ABCG8: variants seen among roughly 807,000 people sequenced by gnomAD.
The protein encoded by ABCG8 is ATP binding cassette subfamily G member 8.
ABCG8 carries 81 observed loss-of-function variants against 71.3 expected under a neutral mutation model. The ratio of observed to expected loss-of-function variants is 1.14; its 90% CI spans 0.95 to 1.37. The LOEUF (loss-of-function observed/expected upper bound fraction) is 1.37, where lower values mean the gene tolerates loss of function less well. Ranked by LOEUF, ABCG8 falls within the 40% of genes most tolerant of loss-of-function variation. The probability of loss-of-function intolerance (pLI) is 0.00; values close to 1 mark genes in which losing one functional copy is unlikely to be tolerated. For synonymous variants in ABCG8, 451 were observed against 354.7 expected, an observed-to-expected ratio of 1.27 and a Z score of -3.05; for missense variants, 1,119 against 866.2, an observed-to-expected ratio of 1.29 and a Z score of -3.66.
chr2:43,862,745 A>G (rs1669371927), intron 6 of ABCG8, among the ~76,000 whole-genome samples: 1 of 150,224 alleles, frequency 6.7e-6, no homozygotes, highest in Admixed American at 6.6e-5. Flanking sequence ...AACTCTCACG[A>G]TCTGGGTAGA....
chr2:43,840,916 G>C (rs1357991074), intron 1 of ABCG8, among the ~76,000 whole-genome samples: 1 of 152,194 alleles, frequency 6.6e-6, no homozygotes, highest in Non-Finnish European at 1.5e-5. Context: ...CCTGGGAAGA[G>C]GTGTACAGAC....
intron 11 of ABCG8, among the ~76,000 whole-genome samples, chr2:43,876,476 G>A (rs139558764): frequency 4.0e-5 from 6 of 151,778 alleles, no homozygotes; most frequent in African/African-American, 1.2e-4. Context: ...ATGGGAATAC[G>A]GGGAGACCAT....
chr2:43,864,936 C>A (rs1044832283), intron 6 of ABCG8, among the ~76,000 whole-genome samples: 1 of 147,116 alleles, frequency 6.8e-6, no homozygotes, highest in African/African-American at 2.5e-5. Flanking sequence ...GCATATAACT[C>A]TCACTATCTA....
At chr2:43,846,338 A>G (rs1668742894) in intron 3 of ABCG8, 27 bp downstream of exon 3, 1 of 1,613,828 alleles carries the variant, frequency 6.2e-7, no homozygotes, top group Non-Finnish European at 8.5e-7. Flanking sequence ...TCGCTGGGCA[A>G]TGGTTTCTCT....
At chr2:43,875,705 A>T (rs142967051) in intron 11 of ABCG8, among the ~76,000 whole-genome samples, 2 of 152,214 alleles carry the variant, frequency 1.3e-5, no homozygotes, top group Non-Finnish European at 2.9e-5. Flanking sequence ...TGTTTCTCTG[A>T]AATGTCTGCT....
intron 6 of ABCG8, among the ~76,000 whole-genome samples, chr2:43,871,167 T>A (rs1245358323): frequency 6.6e-6 from 1 of 151,918 alleles, no homozygotes; most frequent in Non-Finnish European, 1.5e-5. Context: ...TCACTATCTA[T>A]CTGGATAGAA....
In ABCG8 at chr2:43,851,575, G is replaced by C; in HGVS notation, c.323-9G>C. On this transcript the variant is annotated splice_polypyrimidine_tract_variant and intron_variant, in intron 3 of 12. Transcript: ENST00000272286. ...TCCGCTCTCAGGGATATCCCTGGTG[G>C]CTTTGCAGGTTGTGGGAGAGCCTCC... 6.2e-7 allele frequency: 1 copy of C among 1,614,170 alleles called. No homozygotes were observed. Among genetic ancestry groups the C allele is most frequent in the African/African-American group, 1.3e-5 (1 of 75,060 alleles).
At position 43,878,230 on chromosome 2, in the gene ABCG8, C is replaced by T. The variant is rs1162871163; in HGVS notation, c.*317C>T. On this transcript the variant is annotated 3_prime_UTR_variant, in exon 13 of 13. Transcript: ENST00000272286. ...TAGGCAACTCGATATAGGATGGGAG[C>T]AAACTAGGAATGAATTGGGTAGCTA... 5.1e-6 allele frequency: 2 copies of T among 392,064 alleles called. No homozygotes were observed. Among genetic ancestry groups the T allele is most frequent in the South Asian group, 2.1e-5 (1 of 47,252 alleles). 24.3% of individuals were successfully genotyped at this position (392,064 alleles called of 1,614,324 possible).
intron 1 of ABCG8, 33 bp from the exon 2 acceptor site, chr2:43,844,474 A>G: frequency 1.9e-6 from 3 of 1,558,692 alleles, no homozygotes; most frequent in Non-Finnish European, 1.8e-6. Flanking sequence ...AGCAGCTTCT[A>G]AAGGAGCCCC....
At chr2:43,867,810 G>A (rs898788260) in intron 6 of ABCG8, among the ~76,000 whole-genome samples, 2 of 150,248 alleles carry the variant, frequency 1.3e-5, no homozygotes, top group African/African-American at 4.9e-5. Context: ...TCACTATCTG[G>A]ATAGAATTCT....
intron 5 of ABCG8, 45 bp downstream of exon 5, chr2:43,852,531 C>T (rs373052794): frequency 6.2e-7 from 1 of 1,613,704 alleles, no homozygotes; most frequent in Non-Finnish European, 8.5e-7. Flanking sequence ...CCTGTGCGGT[C>T]CCCTCAGGCT....
chr2:43,857,422 G>T (rs1393152261), intron 6 of ABCG8, among the ~76,000 whole-genome samples: 1 of 151,452 alleles, frequency 6.6e-6, no homozygotes, highest in South Asian at 2.1e-4. Flanking sequence ...TCATTCTCTG[G>T]ATAGAACTCT....
rs368111352 is a variant in ABCG8 at position 43,851,827 on chromosome 2, C to G, written c.561+5C>G. The G allele has an allele frequency of 1.7e-5, 27 of 1,613,894 alleles. No individual in the cohort carries two copies. The highest frequency in any genetic ancestry group is 1.9e-5 in the Non-Finnish European group (23 of 1,179,978). ...CAGGCCCAGCGTGACAAAAGGGTAACTAACTGGCCCCAGTGGTGACCCCCA... is the reference window on the plus strand; with the variant it reads ...CAGGCCCAGCGTGACAAAAGGGTAAGTAACTGGCCCCAGTGGTGACCCCCA... On this transcript the variant is annotated splice_donor_5th_base_variant and intron_variant, in intron 4 of 12. Transcript: ENST00000272286.
chr2:43,864,534 A>C (rs1211912089), intron 6 of ABCG8, among the ~76,000 whole-genome samples: 2 of 151,664 alleles, frequency 1.3e-5, no homozygotes, highest in African/African-American at 4.8e-5. Context: ...CTGTCTGGGT[A>C]GAATTCTCTC....
chr2:43,849,014 C>T (rs1343898617), intron 3 of ABCG8, among the ~76,000 whole-genome samples: 1 of 88,250 alleles, frequency 1.1e-5, no homozygotes, highest in Admixed American at 1.5e-4. Context: ...AAGAGCAAAA[C>T]ACTGTCTAAA....
At chr2:43,871,830 C>T (rs928864000) in intron 6 of ABCG8, 146 bp from the exon 7 acceptor site, 1 of 1,225,310 alleles carries the variant, frequency 8.2e-7, no homozygotes, top group Non-Finnish European at 1.2e-6. Flanking sequence ...TGCTCTGCCC[C>T]TTGCTTCATG....
chr2:43,869,664 T>C (rs1669686605), intron 6 of ABCG8, among the ~76,000 whole-genome samples: 1 of 152,054 alleles, frequency 6.6e-6, no homozygotes, highest in Admixed American at 6.6e-5. Context: ...GAAATTTCTC[T>C]ATCTATCTGG....
Position 43,846,166 on chromosome 2 carries a change from C to G in ABCG8, c.177C>G (p.Ala59=), listed in dbSNP as rs1383448424. Residue 59 remains alanine, a synonymous_variant, in exon 3 of 13, where the codon GCC becomes GCG. Transcript: ENST00000272286. ...VRDLNYQVDL[A]SQVPWFEQLA... ...ATATCTCCCCACAGGTGGACCTGGC[C>G]TCTCAGGTCCCTTGGTTTGAGCAGC... 1.2e-6 allele frequency: 2 copies of G among 1,613,394 alleles called. No individual in the cohort carries two copies. Among genetic ancestry groups the G allele is most frequent in the African/African-American group, 2.7e-5 (2 of 74,910 alleles).
chr2:43,839,031 A>C lies in ABCG8; in HGVS notation c.-23A>C, dbSNP rs1190070552. On this transcript the variant is annotated 5_prime_UTR_variant, in exon 1 of 13. Transcript: ENST00000272286. ...GCTGGGTCTAAGAGAGCTGCAGCCC[A>C]GGGTCACAGACCTGTGGGCCCCATG... 42 of 1,549,982 alleles carry C rather than the reference A, an allele frequency of 2.7e-5. No homozygotes were observed. Among genetic ancestry groups the C allele is most frequent in the Non-Finnish European group, 3.7e-5 (42 of 1,146,228 alleles).
Sources: gnomAD v4.1 joint callset for allele counts (sites outside exome capture counted in the v4.1 genomes callset) on GRCh38, gnomAD v4.1.1 for gene constraint, MANE v1.5 for transcripts, NCBI Gene and HGNC (gene_info 2026-07-23, HGNC 2026-07-21) for gene names.